Variants in ZFPM2 observed in about 807,000 individuals in gnomAD.
The protein encoded by ZFPM2 is zinc finger protein, FOG family member 2.
In ZFPM2, 20 loss-of-function variants were observed where a neutral mutation model predicts 98.6. That is an observed-to-expected ratio of 0.20 (90% CI 0.14 to 0.29). ZFPM2 has a LOEUF of 0.29. Among genes scored for constraint, ZFPM2 ranks in the 10% least tolerant of loss-of-function variants. The probability of loss-of-function intolerance (pLI) is 1.00; values close to 1 mark genes in which losing one functional copy is unlikely to be tolerated. For missense variants in ZFPM2, 1,310 were observed against 1,388.6 expected (o/e 0.94, Z 0.90); for synonymous variants, 518 against 502.7 (o/e 1.03, Z -0.41).
intron 3 of ZFPM2, among the ~76,000 whole-genome samples, chr8:105,507,767 G>A (rs1563690882): frequency 6.6e-6 from 1 of 152,084 alleles, no homozygotes; most frequent in Non-Finnish European, 1.5e-5. Context: ...GAAAAGTTGT[G>A]CTTGTACCCC....
chr8:105,431,017 C>T (rs1812009127), intron 2 of ZFPM2, among the ~76,000 whole-genome samples: 1 of 151,796 alleles, frequency 6.6e-6, no homozygotes, highest in African/African-American at 2.4e-5. Flanking sequence ...GATTCTCCTG[C>T]CTCAGCCTCC....
At chr8:105,485,315 G>GTTTT (rs373947051) in intron 3 of ZFPM2, among the ~76,000 whole-genome samples, 2 of 151,226 alleles carry the variant, frequency 1.3e-5, no homozygotes, top group Non-Finnish European at 1.5e-5. Flanking sequence ...TTGTTTGTTT[G>GTTTT]TTTTTGATTG....
At chr8:105,399,467 ACGACTCCT>A (rs1465036613) in intron 1 of ZFPM2, among the ~76,000 whole-genome samples, 1 of 152,196 alleles carries the variant, frequency 6.6e-6, no homozygotes, top group Non-Finnish European at 1.5e-5. Context: ...AGGATCAATT[ACGACTCCT>A]CACTTTGGGG....
chr8:105,553,947 G>A (rs1428845570), intron 3 of ZFPM2, among the ~76,000 whole-genome samples: 1 of 152,044 alleles, frequency 6.6e-6, no homozygotes, highest in Non-Finnish European at 1.5e-5. Context: ...TACAAGGTTC[G>A]ATTTATTAAA....
At chr8:105,587,426 T>C (rs1815747233) in intron 4 of ZFPM2, among the ~76,000 whole-genome samples, 1 of 152,170 alleles carries the variant, frequency 6.6e-6, no homozygotes, top group Admixed American at 6.5e-5. Context: ...TTATTTCTAA[T>C]TTAAAGTGTA....
At chr8:105,796,017 G>GTAA (rs780963617) in intron 6 of ZFPM2, 1 of 194,554 alleles carries the variant, frequency 5.1e-6, no homozygotes, top group African/African-American at 2.4e-5. Flanking sequence ...ATATTTAACT[G>GTAA]TAATTAGATT....
chr8:105,738,084 C>A (rs1420886695), intron 5 of ZFPM2, among the ~76,000 whole-genome samples: 1 of 151,860 alleles, frequency 6.6e-6, no homozygotes, highest in Non-Finnish European at 1.5e-5. Context: ...AAACTTGTGT[C>A]ATGGGGGTTC....
chr8:105,553,550 A>G (rs1230719966), intron 3 of ZFPM2, among the ~76,000 whole-genome samples: 2 of 152,168 alleles, frequency 1.3e-5, no homozygotes, highest in Admixed American at 6.5e-5. Flanking sequence ...TGCCACCACC[A>G]TTATGTTATC....
At chr8:105,354,787 T>C (rs1812709505) in intron 1 of ZFPM2, among the ~76,000 whole-genome samples, 1 of 152,086 alleles carries the variant, frequency 6.6e-6, no homozygotes, top group Non-Finnish European at 1.5e-5. Flanking sequence ...ACCCTGTCTC[T>C]ACTAAAAATA....
At chr8:105,723,323 C>T (rs1811715905) in intron 5 of ZFPM2, among the ~76,000 whole-genome samples, 1 of 151,826 alleles carries the variant, frequency 6.6e-6, no homozygotes, top group African/African-American at 2.4e-5. Context: ...ACGGCATATT[C>T]AGTGGTATAA....
rs554076859 is a variant in ZFPM2, at chr8:105,641,797, A to G, written c.532+7440A>G. Among the ~76,000 whole-genome samples, 23 of 152,192 alleles carry G rather than the reference A, an allele frequency of 1.5e-4. No individual in the cohort carries two copies. In the East Asian group the frequency reaches 3.3e-3, roughly 22 times the overall value. On this transcript the variant is annotated intron_variant, in intron 5 of 7. Transcript: ENST00000407775. ...TATCAGCATCACTGTGAGTTTCCTTAATGAAATGTTGGTAAATAGCCCTGC... is the reference window on the plus strand; with the variant it reads ...TATCAGCATCACTGTGAGTTTCCTTGATGAAATGTTGGTAAATAGCCCTGC...
At chr8:105,433,151 C>T (rs1245646913) in intron 2 of ZFPM2, among the ~76,000 whole-genome samples, 1 of 152,130 alleles carries the variant, frequency 6.6e-6, no homozygotes, top group East Asian at 1.9e-4. Flanking sequence ...TTATGTATCT[C>T]ACCCTTTCAT....
intron 4 of ZFPM2, among the ~76,000 whole-genome samples, chr8:105,606,788 A>G (rs939979689): frequency 2.0e-5 from 3 of 152,144 alleles, no homozygotes; most frequent in African/African-American, 7.2e-5. Context: ...TTACTTTCCA[A>G]ATAAAAAAAC....
At chr8:105,350,853 G>A (rs1812627320) in intron 1 of ZFPM2, among the ~76,000 whole-genome samples, 1 of 152,012 alleles carries the variant, frequency 6.6e-6, no homozygotes, top group African/African-American at 2.4e-5. Flanking sequence ...ATTGGTTTCA[G>A]AACCCCTAGC....
intron 1 of ZFPM2, among the ~76,000 whole-genome samples, chr8:105,405,851 C>T (rs1811441546): frequency 6.6e-6 from 1 of 152,144 alleles, no homozygotes. Context: ...TGACGAATTG[C>T]CACACTGACT....
chr8:105,360,986 C>T (rs1367175322), intron 1 of ZFPM2, among the ~76,000 whole-genome samples: 9 of 146,842 alleles, frequency 6.1e-5, no homozygotes, highest in Non-Finnish European at 1.3e-4. Context: ...TGAGTATATA[C>T]CCAGTAATGG....
At chr8:105,522,375 T>C (rs933317739) in intron 3 of ZFPM2, among the ~76,000 whole-genome samples, 2 of 152,230 alleles carry the variant, frequency 1.3e-5, no homozygotes, top group African/African-American at 4.8e-5. Context: ...AATGCTATTT[T>C]CTACTTAGAA....
intron 5 of ZFPM2, among the ~76,000 whole-genome samples, chr8:105,707,430 T>G (rs1811290069): frequency 6.6e-6 from 1 of 152,146 alleles, no homozygotes; most frequent in African/African-American, 2.4e-5. Context: ...TGTCACATAC[T>G]AGGAAACATA....
intron 3 of ZFPM2, among the ~76,000 whole-genome samples, chr8:105,493,586 G>A (rs374821425): frequency 1.3e-5 from 2 of 152,234 alleles, no homozygotes; most frequent in East Asian, 3.9e-4. Context: ...TGTGCACTGT[G>A]GTTATCAGAT....
Sources: gnomAD v4.1 joint callset for allele counts (sites outside exome capture counted in the v4.1 genomes callset) on GRCh38, gnomAD v4.1.1 for gene constraint, MANE v1.5 for transcripts, NCBI Gene and HGNC (gene_info 2026-07-23, HGNC 2026-07-21) for gene names.